Variants in TMEM268 observed in about 807,000 individuals in gnomAD.
The protein encoded by TMEM268 is transmembrane protein 268, also known as transmembrane protein C9orf91.
TMEM268 carries 24 observed loss-of-function variants against 39.1 expected under a neutral mutation model. That is an observed-to-expected ratio of 0.61 (90% confidence interval 0.44 to 0.86). The LOEUF is 0.86. Among genes scored for constraint, TMEM268 ranks in the 40% least tolerant of loss-of-function variants. The pLI is 0.00. For synonymous variants in TMEM268, 176 were observed against 173.5 expected (o/e 1.01, Z -0.12); for missense variants, 409 against 428.6 (o/e 0.95, Z 0.40).
chr9:114,612,132 CACAA>C (rs1845525473), intron 1 of TMEM268, among the ~76,000 whole-genome samples: 1 of 152,118 alleles, frequency 6.6e-6, no homozygotes, highest in East Asian at 1.9e-4. Flanking sequence ...TTGTGTTTTT[CACAA>C]ACAAAACAAA....
chr9:114,634,731 C>T (rs1040063186), intron 6 of TMEM268, among the ~76,000 whole-genome samples: 10 of 152,286 alleles, frequency 6.6e-5, no homozygotes, highest in Admixed American at 4.6e-4. Context: ...AGTTCCTCCA[C>T]GAATGTTTAT....
intron 6 of TMEM268, among the ~76,000 whole-genome samples, chr9:114,636,362 C>T (rs950636040): frequency 6.6e-6 from 1 of 152,130 alleles, no homozygotes; most frequent in Non-Finnish European, 1.5e-5. Context: ...GTTCACGCCC[C>T]GCCCATTGAG....
chr9:114,628,362 C>A (rs1846250265), intron 5 of TMEM268, 112 bp downstream of exon 5: 1 of 1,211,834 alleles, frequency 8.3e-7, no homozygotes, highest in Non-Finnish European at 1.2e-6. Flanking sequence ...CATGAAAATT[C>A]ACACTAGCCC....
chr9:114,639,703 G>T (rs906673203), intron 8 of TMEM268, among the ~76,000 whole-genome samples: 4 of 151,628 alleles, frequency 2.6e-5, no homozygotes, highest in African/African-American at 9.7e-5. Context: ...GCAGTAGGAA[G>T]CCTGCAAGTA....
intron 5 of TMEM268, among the ~76,000 whole-genome samples, chr9:114,629,752 G>A (rs1282770472): frequency 6.6e-6 from 1 of 152,194 alleles, no homozygotes; most frequent in Non-Finnish European, 1.5e-5. Context: ...CAGAAAGAGG[G>A]GGCAGGATGT....
chr9:114,621,953 C>A, intron 2 of TMEM268: 1 of 304,750 alleles, frequency 3.3e-6, no homozygotes, highest in Non-Finnish European at 4.8e-6. Flanking sequence ...GTCATCTGAT[C>A]TGCACCCTGG....
intron 2 of TMEM268, chr9:114,622,252 A>T (rs1055871940): frequency 1.5e-4 from 144 of 985,250 alleles, no homozygotes; most frequent in Non-Finnish European, 1.7e-4. Flanking sequence ...GGATCAGCAG[A>T]CAACACACTT....
At chr9:114,616,868 G>C (rs956400025) in intron 1 of TMEM268, among the ~76,000 whole-genome samples, 1 of 152,122 alleles carries the variant, frequency 6.6e-6, no homozygotes, top group East Asian at 1.9e-4. Flanking sequence ...CCCTGGCTGT[G>C]CCTGAGCTGG....
chr9:114,639,747 C>T (rs898938571), intron 8 of TMEM268, among the ~76,000 whole-genome samples: 3 of 150,448 alleles, frequency 2.0e-5, no homozygotes, highest in African/African-American at 4.9e-5. Context: ...CAGGAACATG[C>T]GGTGGCTCGT....
At chr9:114,620,399 C>A (rs1239672190) in intron 2 of TMEM268, among the ~76,000 whole-genome samples, 1 of 151,952 alleles carries the variant, frequency 6.6e-6, no homozygotes, top group African/African-American at 2.4e-5. Flanking sequence ...CACGTGCCAC[C>A]ACGTCTGGCT....
In TMEM268 at chr9:114,628,114, T is replaced by A. The variant is rs578122296; in HGVS notation, c.338T>A (p.Val113Glu). 1 of 1,613,702 alleles carries A rather than the reference T, an allele frequency of 6.2e-7. No homozygotes were observed. The highest frequency in any genetic ancestry group is 1.1e-5 in the South Asian group (1 of 91,074). Residue 113 changes from valine (V) to glutamate (E), a missense_variant, in exon 5 of 9, where the codon GTG becomes GAG. By Grantham distance (121) the Val-to-Glu change is moderately radical. Coordinates refer to ENST00000288502, the MANE Select transcript of TMEM268 (RefSeq NM_153045.4). ...RLAFAVVFYV[V>E]VWANIYSTSQ... ...GGCATCTTGCAGGTTTTCTATGTGG[T>A]GGTGTGGGCCAATATCTACTCTACC...
rs752184747 is a variant in TMEM268, at chr9:114,627,024, C to G, written c.324+18C>G. 1 of 1,543,168 alleles carries G rather than the reference C, an allele frequency of 6.5e-7. No homozygotes were observed. The highest frequency in any genetic ancestry group is 9.0e-7 in the Non-Finnish European group (1 of 1,116,652). ...TTGCTGTGGTAAGGGGGAGGTGGCC[C>G]GCACACTGACCCTGCCCTGACAGCT... On this transcript the variant is annotated intron_variant, in intron 4 of 8. Coordinates refer to ENST00000288502, the MANE Select transcript of TMEM268 (RefSeq NM_153045.4).
chr9:114,625,295 T>C (rs1846110341), intron 3 of TMEM268, among the ~76,000 whole-genome samples: 1 of 152,190 alleles, frequency 6.6e-6, no homozygotes, highest in Non-Finnish European at 1.5e-5. Flanking sequence ...AGTACCTATA[T>C]GTATGGGTTT....
At chr9:114,620,086 A>C (rs531673794) in intron 2 of TMEM268, among the ~76,000 whole-genome samples, 1 of 152,012 alleles carries the variant, frequency 6.6e-6, no homozygotes, top group African/African-American at 2.4e-5. Context: ...GTGGTGGCGC[A>C]CACCTGTAAT....
At chr9:114,630,376 G>C (rs1846345125) in intron 5 of TMEM268, among the ~76,000 whole-genome samples, 1 of 152,226 alleles carries the variant, frequency 6.6e-6, no homozygotes, top group Admixed American at 6.5e-5. Flanking sequence ...CTTGTGTGCA[G>C]CATGGAGGTC....
chr9:114,634,997 C>T (rs968796509), intron 6 of TMEM268, among the ~76,000 whole-genome samples: 1 of 152,110 alleles, frequency 6.6e-6, no homozygotes, highest in African/African-American at 2.4e-5. Context: ...TATCCGTTGG[C>T]ACGTAGGAGT....
chr9:114,636,672 T>C (rs1331789378), intron 6 of TMEM268, among the ~76,000 whole-genome samples: 1 of 152,056 alleles, frequency 6.6e-6, no homozygotes, highest in Non-Finnish European at 1.5e-5. Flanking sequence ...AGCTAATTTT[T>C]TGTATTTTTT....
chr9:114,625,745 T>G (rs1846133972), intron 3 of TMEM268, among the ~76,000 whole-genome samples: 1 of 150,116 alleles, frequency 6.7e-6, no homozygotes, highest in Non-Finnish European at 1.5e-5. Context: ...GCCTGGCAGA[T>G]TGGGTTTTCT....
rs1354278072 is a variant in TMEM268, at chr9:114,644,960, A to T, written c.*1647A>T. The stretch of plus-strand genomic sequence containing the variant: ...TACAGGTGTGCACCACTACTCCTGG[A>T]TATTTTTTTGTGTTTTTAGTAGAGA... On this transcript the variant is annotated 3_prime_UTR_variant, in exon 9 of 9. Transcript: ENST00000288502. 2 of 151,830 alleles carry T rather than the reference A, an allele frequency of 1.3e-5. No homozygotes were observed. The highest frequency in any genetic ancestry group is 1.3e-4 in the Admixed American group (2 of 15,252). The allele number at this position is 151,830 out of a possible 1,614,324, so 9.4% of individuals were successfully genotyped here. A position where few individuals can be genotyped will look rare whatever the true frequency, so the allele number is the denominator to read the frequency against.
Sources: allele counts gnomAD v4.1 joint callset (sites outside exome capture counted in the v4.1 genomes callset), GRCh38; gene constraint gnomAD v4.1.1; transcripts MANE v1.5; gene names NCBI Gene and HGNC (gene_info 2026-07-23, HGNC 2026-07-21).